EXOC2: variants seen among roughly 807,000 people sequenced by gnomAD.
EXOC2 encodes SEC5-like 1.
A neutral mutation model predicts 131.8 loss-of-function variants in EXOC2; 70 were observed. The ratio of observed to expected loss-of-function variants is 0.53; its 90% CI spans 0.44 to 0.65. The LOEUF is 0.65. Among genes scored for constraint, EXOC2 ranks in the 30% least tolerant of loss-of-function variants. EXOC2 has a pLI of 0.00. For synonymous variants in EXOC2, 411 were observed against 398.4 expected, an observed-to-expected ratio of 1.03 and a Z score of -0.38; for missense variants, 923 against 1,108.6, an observed-to-expected ratio of 0.83 and a Z score of 2.38.
chr6:614,087 A>G (rs548113350), intron 6 of EXOC2, among the ~76,000 whole-genome samples: 8 of 152,138 alleles, frequency 5.3e-5, no homozygotes, highest in Non-Finnish European at 8.8e-5. Flanking sequence ...TTGCCCCCCA[A>G]AAGGTCTGGC....
intron 18 of EXOC2, 103 bp from the exon 19 acceptor site, chr6:556,116 G>T: frequency 1.9e-6 from 2 of 1,031,448 alleles, no homozygotes; most frequent in Non-Finnish European, 3.0e-6. Flanking sequence ...GCTGCTGCAG[G>T]AGTGGTGCCC....
At chr6:503,907 TA>T (rs1764374402) in intron 23 of EXOC2, among the ~76,000 whole-genome samples, 1 of 152,210 alleles carries the variant, frequency 6.6e-6, no homozygotes, top group Non-Finnish European at 1.5e-5. Flanking sequence ...TGGGTCCAAG[TA>T]AGACTTTTAC....
rs894799521 is a variant in EXOC2 at position 532,713 on chromosome 6, T to G, written c.2239-103A>C. Reference sequence around the variant, plus strand: ...CTTCAGACTATAATAAAAGCACTTCTCAATTTTCCTACAAAAACTCGTGAC... The same window carrying G: ...CTTCAGACTATAATAAAAGCACTTCGCAATTTTCCTACAAAAACTCGTGAC... On this transcript the variant is annotated intron_variant, in intron 22 of 27. Coordinates refer to ENST00000230449, the MANE Select transcript of EXOC2 (RefSeq NM_018303.6). 5.3e-5 allele frequency: 59 copies of G among 1,121,626 alleles called. No homozygotes were observed. In the African/African-American group the frequency reaches 8.4e-4, roughly 16 times the overall value. The allele number at this position is 1,121,626 out of a possible 1,614,324, so 69.5% of individuals were successfully genotyped here.
At chr6:656,981 G>A in intron 1 of EXOC2, 1 of 1,475,316 alleles carries the variant, frequency 6.8e-7, no homozygotes, top group Non-Finnish European at 9.1e-7. Flanking sequence ...CCTCTGAGGG[G>A]GATTCCGCGT....
chr6:651,030 CTT>C (rs66636202), intron 1 of EXOC2, among the ~76,000 whole-genome samples: 20,994 of 136,196 alleles, frequency 0.15, 2,102 homozygotes, highest in African/African-American at 0.3. Flanking sequence ...GGCATGTGTT[CTT>C]TTTTTTTTTT....
intron 23 of EXOC2, among the ~76,000 whole-genome samples, chr6:516,350 A>C (rs2493013): frequency 0.69 from 104,170 of 152,032 alleles, 36,906 homozygotes; most frequent in Non-Finnish European, 0.78. Context: ...AGATGATCCA[A>C]ACTGCAGCGC....
chr6:637,654 C>T, intron 2 of EXOC2, 47 bp downstream of exon 2: 1 of 1,445,702 alleles, frequency 6.9e-7, no homozygotes, highest in Non-Finnish European at 9.5e-7. Flanking sequence ...CCCTTGTCCA[C>T]ATAAAAATCC....
intron 22 of EXOC2, 86 bp from the exon 23 acceptor site, chr6:532,696 T>C: frequency 8.1e-7 from 1 of 1,242,090 alleles, no homozygotes; most frequent in Non-Finnish European, 1.1e-6. Context: ...TACTTCAGAC[T>C]ATAATAAAAG....
intron 17 of EXOC2, among the ~76,000 whole-genome samples, chr6:559,880 C>G (rs944289216): frequency 6.6e-6 from 1 of 152,108 alleles, no homozygotes; most frequent in African/African-American, 2.4e-5. Flanking sequence ...GGAATAGGAC[C>G]CTGACAGCAG....
intron 18 of EXOC2, among the ~76,000 whole-genome samples, 160 bp downstream of exon 18, chr6:556,324 G>A (rs893416262): frequency 1.3e-5 from 2 of 152,164 alleles, no homozygotes; most frequent in African/African-American, 4.8e-5. Context: ...CATCGGCCTG[G>A]CTTGGAATCG....
intron 22 of EXOC2, among the ~76,000 whole-genome samples, chr6:536,958 T>A (rs887163097): frequency 6.6e-6 from 1 of 152,172 alleles, no homozygotes; most frequent in African/African-American, 2.4e-5. Context: ...GAAAGATGAC[T>A]GATCCAATTT....
rs1465638272 is a variant in EXOC2, at chr6:637,796, G to T, written c.23C>A (p.Pro8His). The T allele has an allele frequency of 1.2e-6, 2 of 1,613,704 alleles. No individual in the cohort carries two copies. Among genetic ancestry groups the T allele is most frequent in the Non-Finnish European group, 1.7e-6 (2 of 1,179,928 alleles). MSRSRQP[P>H]LVTGISPNEG... ...ATTTGGAGAGATGCCGGTCACAAGG[G>T]GGGGTTGTCGTGATCGAGACATTGT... is the stretch of plus-strand genomic sequence containing the variant. Residue 8 changes from proline (P) to histidine (H), a missense_variant, in exon 2 of 28, where the codon CCC becomes CAC. By Grantham distance (77) the Pro-to-His change is moderately conservative. Coordinates refer to ENST00000230449, the MANE Select transcript of EXOC2 (RefSeq NM_018303.6).
At chr6:519,017 C>T (rs958169191) in intron 23 of EXOC2, among the ~76,000 whole-genome samples, 7 of 152,132 alleles carry the variant, frequency 4.6e-5, no homozygotes, top group African/African-American at 1.7e-4. Context: ...GTGCCAAGTA[C>T]TCAATGACAA....
intron 22 of EXOC2, among the ~76,000 whole-genome samples, chr6:541,841 C>T (rs929428783): frequency 2.6e-5 from 4 of 152,344 alleles, no homozygotes; most frequent in African/African-American, 9.6e-5. Context: ...ATACCACTAC[C>T]AGAGCGTTTT....
Position 657,156 on chromosome 6 carries a change from T to C in EXOC2, c.-43-19295A>G, listed in dbSNP as rs1312229059. On this transcript the variant is annotated intron_variant, in intron 1 of 27. Transcript: ENST00000230449. ...CCACGGAAGGGCCTCCCAACGCCCG[T>C]TCTCACCTTCCCTCCAGCCCTCTCA... The C allele has an allele frequency of 7.3e-6, 3 of 409,124 alleles. No homozygotes were observed. In the East Asian group the frequency reaches 1.1e-4, roughly 15 times the overall value. 25.3% of individuals were successfully genotyped at this position (409,124 alleles called of 1,614,324 possible).
chr6:587,774 G>A lies in EXOC2; in HGVS notation c.1192+4695C>T, dbSNP rs796982647. 6.6e-5 allele frequency among the ~76,000 whole-genome samples: 10 copies of A among 152,334 alleles called. 1 individual carries two copies. The highest frequency in any genetic ancestry group is 2.4e-4 in the African/African-American group (10 of 41,576). The stretch of plus-strand genomic sequence containing the variant: ...AAGGGCAATGCTATCGATGCACTCA[G>A]AAAGATACTGAAGAAATTAAACTTT... On this transcript the variant is annotated intron_variant, in intron 11 of 27. Coordinates refer to ENST00000230449, the MANE Select transcript of EXOC2 (RefSeq NM_018303.6).
rs1400932006 is a variant in EXOC2, at chr6:633,050, A to G, written c.186T>C (p.Cys62=). The G allele has an allele frequency of 6.2e-7, 1 of 1,614,126 alleles. No homozygotes were observed. Among genetic ancestry groups the G allele is most frequent in the Non-Finnish European group, 8.5e-7 (1 of 1,180,028 alleles). Residue 62 remains cysteine, a synonymous_variant, in exon 3 of 28, where the codon TGT becomes TGC. Transcript: ENST00000230449. The part of the protein sequence containing the change: ...AEWMSASKIV[C]RVGQAKNDKG... ...TGTCATTTTTGGCTTGTCCCACTCG[A>G]CATACTATTTTACTTGCAGACATCC...
At chr6:503,412 C>T (rs935273644) in intron 23 of EXOC2, among the ~76,000 whole-genome samples, 1 of 152,136 alleles carries the variant, frequency 6.6e-6, no homozygotes. Flanking sequence ...TGCAGGATGG[C>T]CATATGAAAG....
chr6:671,877 T>A (rs977261165), intron 1 of EXOC2, among the ~76,000 whole-genome samples: 2 of 152,118 alleles, frequency 1.3e-5, no homozygotes, highest in South Asian at 4.1e-4. Context: ...TTCTACAGTT[T>A]GAATACAATA....
Sources: allele counts gnomAD v4.1 joint callset (sites outside exome capture counted in the v4.1 genomes callset), GRCh38; gene constraint gnomAD v4.1.1; transcripts MANE v1.5; gene names NCBI Gene and HGNC (gene_info 2026-07-23, HGNC 2026-07-21).